RAPGEF1: variants seen among roughly 807,000 people sequenced by gnomAD.
RAPGEF1 encodes Rap guanine nucleotide exchange factor 1, also known as CRK SH3-binding GNRP.
RAPGEF1 carries 33 observed loss-of-function variants against 143.3 expected under a neutral mutation model. The ratio of observed to expected loss-of-function variants is 0.23; its 90% CI spans 0.17 to 0.31. RAPGEF1 has a LOEUF of 0.31. RAPGEF1 is among the 10% of genes least tolerant of loss of function. The pLI is 1.00. For missense variants in RAPGEF1, 1,199 were observed against 1,645.4 expected (o/e 0.73, Z 4.69); for synonymous variants, 629 against 676.5 (o/e 0.93, Z 1.09).
intron 12 of RAPGEF1, among the ~76,000 whole-genome samples, chr9:131,613,566 C>T (rs1958388670): frequency 6.6e-6 from 1 of 152,152 alleles, no homozygotes; most frequent in Non-Finnish European, 1.5e-5. Context: ...GAGAAGCGGA[C>T]CCGCTCAAGG....
intron 1 of RAPGEF1, among the ~76,000 whole-genome samples, chr9:131,679,553 C>T (rs1312743096): frequency 1.3e-5 from 2 of 152,206 alleles, no homozygotes; most frequent in African/African-American, 4.8e-5. Flanking sequence ...TGAAATGTTT[C>T]GTATTGCCGC....
chr9:131,718,793 G>A (rs150663565), intron 1 of RAPGEF1, among the ~76,000 whole-genome samples: 42 of 152,302 alleles, frequency 2.8e-4, no homozygotes, highest in African/African-American at 1.0e-3. Context: ...CTGGAAACAT[G>A]CATTTGAGAA....
At chr9:131,613,568 C>T (rs988315532) in intron 12 of RAPGEF1, among the ~76,000 whole-genome samples, 3 of 152,266 alleles carry the variant, frequency 2.0e-5, no homozygotes, top group South Asian at 2.1e-4. Context: ...GAAGCGGACC[C>T]GCTCAAGGCT....
At chr9:131,733,917 T>G (rs1837253142) in intron 1 of RAPGEF1, among the ~76,000 whole-genome samples, 1 of 152,352 alleles carries the variant, frequency 6.6e-6, no homozygotes, top group Admixed American at 6.5e-5. Flanking sequence ...AAACCGCCTC[T>G]GCCAACAGCT....
At chr9:131,711,052 CTTT>C (rs1197255514) in intron 1 of RAPGEF1, among the ~76,000 whole-genome samples, 1 of 143,698 alleles carries the variant, frequency 7.0e-6, no homozygotes, top group Non-Finnish European at 1.5e-5. Flanking sequence ...GAATATTTAA[CTTT>C]TTTTTTTTTT....
rs1832072558 is a variant in RAPGEF1 at position 131,675,033 on chromosome 9, G to C, written c.62-24084C>G. Among the ~76,000 whole-genome samples the C allele has an allele frequency of 6.6e-6, 1 of 152,166 alleles. No homozygotes were observed. Among genetic ancestry groups the C allele is most frequent in the South Asian group, 2.1e-4 (1 of 4,830 alleles). ...TGGGGGGTTCTGGAGGAGCAGCTGG[G>C]AGGGAGGGAGCAGAGAGAAGGCGAG... is the stretch of plus-strand genomic sequence containing the variant. On this transcript the variant is annotated intron_variant, in intron 1 of 26. Coordinates refer to ENST00000683357, the MANE Select transcript of RAPGEF1 (RefSeq NM_001377935.1). The surrounding 1 kb of genome is among the most constrained non-coding windows in gnomAD (Gnocchi z 4.6).
chr9:131,584,663 T>A lies in RAPGEF1; in HGVS notation c.3234-67A>T. 1 of 1,500,384 alleles carries A rather than the reference T, an allele frequency of 6.7e-7. No individual in the cohort carries two copies. Among genetic ancestry groups the A allele is most frequent in the Non-Finnish European group, 9.3e-7 (1 of 1,077,758 alleles). 92.9% of individuals were successfully genotyped at this position (1,500,384 alleles called of 1,614,324 possible). On this transcript the variant is annotated intron_variant, in intron 22 of 26. Transcript: ENST00000683357. The surrounding 1 kb of genome is among the most constrained non-coding windows in gnomAD (Gnocchi z 6.8). ...TCCCTGCAGGTCCCAGGGGTCCTGG[T>A]GGAGACAGGACCTGTACGACCCCCA...
intron 1 of RAPGEF1, among the ~76,000 whole-genome samples, chr9:131,681,916 C>T (rs994884929): frequency 2.0e-5 from 3 of 152,274 alleles, no homozygotes; most frequent in East Asian, 1.9e-4. Flanking sequence ...ACTGCAGATT[C>T]GGCTGCTCAG....
chr9:131,714,705 C>CTT (rs10568442), intron 1 of RAPGEF1, among the ~76,000 whole-genome samples: 8 of 114,682 alleles, frequency 7.0e-5, no homozygotes, highest in South Asian at 3.1e-4. Context: ...TAGACTCTGC[C>CTT]TTTTTTTTTT....
In RAPGEF1 at chr9:131,579,404, C is replaced by T; in HGVS notation, c.*93G>A. The T allele has an allele frequency of 6.7e-7, 1 of 1,497,660 alleles. No homozygotes were observed. Among genetic ancestry groups the T allele is most frequent in the South Asian group, 1.3e-5 (1 of 75,892 alleles). 92.8% of individuals were successfully genotyped at this position (1,497,660 alleles called of 1,614,324 possible). ...GCCTCATGGCTCCGAGGCCGGGACT[C>T]CTGCCATGCGCCTAACAGGTCCAAG... On this transcript the variant is annotated 3_prime_UTR_variant, in exon 27 of 27. Transcript: ENST00000683357.
intron 12 of RAPGEF1, among the ~76,000 whole-genome samples, chr9:131,614,486 T>C (rs1330505684): frequency 1.3e-5 from 2 of 152,162 alleles, no homozygotes; most frequent in Non-Finnish European, 2.9e-5. Flanking sequence ...AGGGTTTCTG[T>C]GATGGCTCAT....
chr9:131,626,458 C>T, intron 9 of RAPGEF1, 36 bp from the exon 10 acceptor site: 2 of 1,525,198 alleles, frequency 1.3e-6, no homozygotes, highest in Non-Finnish European at 1.8e-6. Context: ...GACCCGTTAG[C>T]CACAGGCCCT....
At chr9:131,712,882 C>T (rs1306957767) in intron 1 of RAPGEF1, among the ~76,000 whole-genome samples, 1 of 152,096 alleles carries the variant, frequency 6.6e-6, no homozygotes, top group African/African-American at 2.4e-5. Flanking sequence ...GGGAGAGCAA[C>T]AGAATAACCT....
At chr9:131,734,928 C>T (rs2131358174) in intron 1 of RAPGEF1, among the ~76,000 whole-genome samples, 1 of 152,350 alleles carries the variant, frequency 6.6e-6, no homozygotes, top group African/African-American at 2.4e-5. Context: ...GCCACTTTAG[C>T]AGGCCCAGTG....
Position 131,655,687 on chromosome 9 carries a change from C to T in RAPGEF1, c.62-4738G>A, listed in dbSNP as rs1972262243. ...AGGAGAATGGCGTGAATCCAGGAGG[C>T]AGAGCATGCAGTGCAAGATTGCACC... On this transcript the variant is annotated intron_variant, in intron 1 of 26. Transcript: ENST00000683357. The surrounding 1 kb of genome is among the most constrained non-coding windows in gnomAD (Gnocchi z 4.1). Among the ~76,000 whole-genome samples, 1 of 152,244 alleles carries T rather than the reference C, an allele frequency of 6.6e-6. No individual in the cohort carries two copies. Among genetic ancestry groups the T allele is most frequent in the Non-Finnish European group, 1.5e-5 (1 of 68,022 alleles).
intron 1 of RAPGEF1, among the ~76,000 whole-genome samples, chr9:131,673,505 C>CTT (rs1831738448): frequency 2.6e-5 from 4 of 152,180 alleles, no homozygotes; most frequent in Admixed American, 6.5e-5. Context: ...AGATGATAAC[C>CTT]ACCTTTTACA....
At chr9:131,677,238 AT>A (rs1203333155) in intron 1 of RAPGEF1, among the ~76,000 whole-genome samples, 1 of 152,204 alleles carries the variant, frequency 6.6e-6, no homozygotes, top group Non-Finnish European at 1.5e-5. Context: ...GCACAACTGT[AT>A]TTTCCAGCAA....
intron 12 of RAPGEF1, among the ~76,000 whole-genome samples, chr9:131,616,413 C>CCT (rs1363475902): frequency 1.3e-5 from 2 of 152,190 alleles, no homozygotes; most frequent in East Asian, 3.9e-4. Context: ...TCGGGGCCAT[C>CCT]CTCCTCAACT....
intron 18 of RAPGEF1, among the ~76,000 whole-genome samples, chr9:131,591,827 C>T (rs1170171523): frequency 2.0e-5 from 3 of 152,246 alleles, no homozygotes; most frequent in African/African-American, 7.2e-5. Context: ...CCACAACTGC[C>T]ACCAGACACA....
Sources: allele counts gnomAD v4.1 joint callset (sites outside exome capture counted in the v4.1 genomes callset), GRCh38; gene constraint gnomAD v4.1.1; non-coding constraint Gnocchi (gnomAD v3.1); transcripts MANE v1.5; gene names NCBI Gene and HGNC (gene_info 2026-07-23, HGNC 2026-07-21).